PLCB1: variants seen among roughly 807,000 people sequenced by gnomAD.
PLCB1 encodes the protein phospholipase C beta 1, also known as 1-phosphatidylinositol 4,5-bisphosphate phosphodiesterase beta-1.
A neutral mutation model predicts 161.8 loss-of-function variants in PLCB1; 46 were observed. That is an observed-to-expected ratio of 0.28 (90% CI 0.22 to 0.36). The LOEUF is 0.36. Among genes scored for constraint, PLCB1 ranks in the 10% least tolerant of loss-of-function variants. The probability of loss-of-function intolerance (pLI) is 1.00; values close to 1 mark genes in which losing one functional copy is unlikely to be tolerated. For missense variants in PLCB1, 1,016 were observed against 1,472.5 expected (o/e 0.69, Z 5.07); for synonymous variants, 517 against 503.7 (o/e 1.03, Z -0.35).
At chr20:8,179,414 A>T (rs6055600) in intron 2 of PLCB1, among the ~76,000 whole-genome samples, 26,701 of 152,004 alleles carry the variant, frequency 0.18, 2,485 homozygotes, top group African/African-American at 0.23. Flanking sequence ...ATGGGATTGC[A>T]TTATTTATTT....
intron 3 of PLCB1, among the ~76,000 whole-genome samples, chr20:8,411,967 G>T (rs184029616): frequency 3.3e-5 from 5 of 152,032 alleles, no homozygotes; most frequent in African/African-American, 1.2e-4. Context: ...AGGTTGCAGT[G>T]AGCTGAGATT....
chr20:8,288,978 T>C (rs1255958796), intron 2 of PLCB1, among the ~76,000 whole-genome samples: 1 of 152,118 alleles, frequency 6.6e-6, no homozygotes, highest in Non-Finnish European at 1.5e-5. Context: ...GCCAGGCACA[T>C]AGTTAGGTAC....
At chr20:8,299,667 C>T (rs751948180) in intron 2 of PLCB1, among the ~76,000 whole-genome samples, 81 of 152,176 alleles carry the variant, frequency 5.3e-4, no homozygotes, top group South Asian at 1.0e-3. Context: ...AACGGCTGTT[C>T]CTCAATCTTT....
At chr20:8,677,951 CAGAAT>C (rs749673675) in intron 9 of PLCB1, among the ~76,000 whole-genome samples, 1 of 152,032 alleles carries the variant, frequency 6.6e-6, no homozygotes, top group East Asian at 1.9e-4. Context: ...AGATTTAGCA[CAGAAT>C]AGAAGTGAAG....
intron 3 of PLCB1, among the ~76,000 whole-genome samples, chr20:8,593,544 A>T (rs913433945): frequency 1.7e-4 from 26 of 152,316 alleles, no homozygotes; most frequent in South Asian, 6.2e-4. Flanking sequence ...AATGAAAATT[A>T]TAAATTTTTG....
At chr20:8,681,165 T>C (rs1990212103) in intron 9 of PLCB1, among the ~76,000 whole-genome samples, 2 of 147,756 alleles carry the variant, frequency 1.4e-5, no homozygotes, top group Non-Finnish European at 3.0e-5. Flanking sequence ...GACCTGGCTT[T>C]GACAACTTCC....
intron 2 of PLCB1, among the ~76,000 whole-genome samples, chr20:8,215,890 C>G (rs1292102441): frequency 6.6e-6 from 1 of 151,844 alleles, no homozygotes; most frequent in Non-Finnish European, 1.5e-5. Context: ...CAGCAGGGAG[C>G]AGTACACACA....
chr20:8,503,641 G>C (rs1236449196), intron 3 of PLCB1, among the ~76,000 whole-genome samples: 1 of 151,986 alleles, frequency 6.6e-6, no homozygotes, highest in South Asian at 2.1e-4. Context: ...TGTATTTCTT[G>C]TACAGTCTTC....
chr20:8,866,771 G>A (rs1987443711), intron 31 of PLCB1, among the ~76,000 whole-genome samples: 1 of 152,142 alleles, frequency 6.6e-6, no homozygotes, highest in African/African-American at 2.4e-5. Flanking sequence ...ACCTTGGGGG[G>A]AGAATTCAAG....
chr20:8,239,602 A>T (rs1980502650), intron 2 of PLCB1, among the ~76,000 whole-genome samples: 1 of 151,974 alleles, frequency 6.6e-6, no homozygotes, highest in African/African-American at 2.4e-5. Flanking sequence ...TTAAAAAAAA[A>T]AAAAAGTAAA....
At chr20:8,336,302 G>A (rs141380978) in intron 2 of PLCB1, among the ~76,000 whole-genome samples, 48 of 152,234 alleles carry the variant, frequency 3.2e-4, no homozygotes, top group Non-Finnish European at 4.6e-4. Flanking sequence ...TTAATTATGC[G>A]TATATATTTA....
At chr20:8,485,237 A>C (rs11906224) in intron 3 of PLCB1, among the ~76,000 whole-genome samples, 8,275 of 152,200 alleles carry the variant, frequency 0.054, 480 homozygotes, top group African/African-American at 0.14. Context: ...AAGGGAGTAG[A>C]TGTATACTCC....
At chr20:8,874,709 A>C (rs2146328945) in intron 31 of PLCB1, among the ~76,000 whole-genome samples, 1 of 152,182 alleles carries the variant, frequency 6.6e-6, no homozygotes, top group African/African-American at 2.4e-5. Flanking sequence ...AAATTAAGGT[A>C]GTTTTCACAG....
At chr20:8,560,226 G>A (rs530076161) in intron 3 of PLCB1, among the ~76,000 whole-genome samples, 3 of 152,052 alleles carry the variant, frequency 2.0e-5, no homozygotes, top group South Asian at 2.1e-4. Flanking sequence ...TTTGTGGACC[G>A]AACTTTGAGA....
At chr20:8,382,283 CTTTT>C (rs71331303) in intron 3 of PLCB1, among the ~76,000 whole-genome samples, 1 of 130,538 alleles carries the variant, frequency 7.7e-6, no homozygotes. Flanking sequence ...GTTTCTTTTT[CTTTT>C]TTTTTTTTTT....
At chr20:8,199,263 C>G (rs1422892160) in intron 2 of PLCB1, among the ~76,000 whole-genome samples, 1 of 152,082 alleles carries the variant, frequency 6.6e-6, no homozygotes, top group Non-Finnish European at 1.5e-5. Context: ...GTCGGCAGCG[C>G]TGTAGTGGAC....
At chr20:8,835,524 T>G (rs1986245964) in intron 31 of PLCB1, among the ~76,000 whole-genome samples, 1 of 152,172 alleles carries the variant, frequency 6.6e-6, no homozygotes, top group Non-Finnish European at 1.5e-5. Context: ...GACTTATATA[T>G]AGCAATCTAC....
rs1164624162 is a variant in PLCB1, at chr20:8,658,723, A to G, written c.862+19A>G. On this transcript the variant is annotated intron_variant, in intron 9 of 31. Transcript: ENST00000338037. Reference sequence around the variant, plus strand: ...AGAAAAGGTCAGTACTTTCTTTCACACCAAAGGGAAGCTCTTGTTTCTGAT... The same window carrying G: ...AGAAAAGGTCAGTACTTTCTTTCACGCCAAAGGGAAGCTCTTGTTTCTGAT... The G allele has an allele frequency of 1.3e-6, 2 of 1,578,034 alleles. No individual in the cohort carries two copies. Among genetic ancestry groups the G allele is most frequent in the African/African-American group, 1.4e-5 (1 of 72,758 alleles).
intron 3 of PLCB1, among the ~76,000 whole-genome samples, chr20:8,382,283 CTT>C (rs71331303): frequency 6.1e-5 from 8 of 130,534 alleles, no homozygotes; most frequent in Non-Finnish European, 8.1e-5. Context: ...GTTTCTTTTT[CTT>C]TTTTTTTTTT....
Sources: allele counts gnomAD v4.1 joint callset (sites outside exome capture counted in the v4.1 genomes callset), GRCh38; gene constraint gnomAD v4.1.1; transcripts MANE v1.5; gene names NCBI Gene and HGNC (gene_info 2026-07-23, HGNC 2026-07-21).